NLRC3: variants seen among roughly 807,000 people sequenced by gnomAD.
NLRC3 encodes the protein NLR family CARD domain-containing protein 3.
A neutral mutation model predicts 91.6 loss-of-function variants in NLRC3; 87 were observed. The ratio of observed to expected loss-of-function variants is 0.95; its 90% CI spans 0.80 to 1.14. The LOEUF (loss-of-function observed/expected upper bound fraction) is 1.14. NLRC3 is among the 50% of genes most tolerant of loss of function. The probability of loss-of-function intolerance (pLI) is 0.00; values close to 1 mark genes in which losing one functional copy is unlikely to be tolerated. For missense variants in NLRC3, 1,577 were observed against 1,418.6 expected (o/e 1.11, Z -1.79); for synonymous variants, 694 against 625.3 (o/e 1.11, Z -1.64).
intron 6 of NLRC3, among the ~76,000 whole-genome samples, chr16:3,561,278 C>T (rs1404332617): frequency 1.3e-5 from 2 of 151,902 alleles, no homozygotes; most frequent in African/African-American, 2.4e-5. Flanking sequence ...GCCTGGGAGG[C>T]AGAGATTACA....
chr16:3,556,492 C>A (rs2039340916), intron 8 of NLRC3, among the ~76,000 whole-genome samples: 1 of 151,962 alleles, frequency 6.6e-6, no homozygotes, highest in Non-Finnish European at 1.5e-5. Context: ...GAGCCAGTAT[C>A]CCATGCCTGC....
At chr16:3,552,044 C>T (rs2039041680) in intron 10 of NLRC3, among the ~76,000 whole-genome samples, 152 bp downstream of exon 10, 1 of 150,004 alleles carries the variant, frequency 6.7e-6, no homozygotes, top group Non-Finnish European at 1.5e-5. Context: ...CACCCATCCA[C>T]CTAGTCACCC....
intron 1 of NLRC3, among the ~76,000 whole-genome samples, chr16:3,576,308 C>A (rs2040289676): frequency 6.6e-6 from 1 of 152,230 alleles, no homozygotes; most frequent in East Asian, 1.9e-4. Context: ...CGACCCTTGT[C>A]TCACCCAAGG....
rs1158283154 is a variant in NLRC3 at position 3,564,882 on chromosome 16, G to A, written c.155C>T (p.Ala52Val). The A allele has an allele frequency of 1.2e-6, 2 of 1,607,618 alleles. No homozygotes were observed. The highest frequency in any genetic ancestry group is 1.1e-5 in the South Asian group (1 of 90,914). ...ACCATTGCTGCAGGGCCCCAGCGGG[G>A]CATCCGGTGTCCTATCCAGGGCCTG... The part of the protein sequence containing the change: ...APQALDRTPD[A>V]PLGPCSNDSR... Residue 52 changes from alanine (A) to valine (V), a missense_variant, in exon 4 of 20, where the codon GCC (alanine) becomes GTC (valine). By Grantham distance (64) the Ala-to-Val change is moderately conservative (BLOSUM62 0). Coordinates refer to ENST00000359128, the MANE Select transcript of NLRC3 (RefSeq NM_178844.4). This position sits in a 1 kb window ranked among gnomAD's most constrained non-coding sequence, Gnocchi z 5.9.
chr16:3,548,200 G>C lies in NLRC3; in HGVS notation c.2706C>G (p.Ile902Met). 6.3e-7 allele frequency: 1 copy of C among 1,594,152 alleles called. No individual in the cohort carries two copies. Among genetic ancestry groups the C allele is most frequent in the Non-Finnish European group, 8.5e-7 (1 of 1,170,428 alleles). Reference sequence around the variant, plus strand: ...CCAGGGCCTGGGCAGCGCCGGCCTGGATGAAGTTCCACTGCAGGCTGGGCA... The same window carrying C: ...CCAGGGCCTGGGCAGCGCCGGCCTGCATGAAGTTCCACTGCAGGCTGGGCA... ...LTSLHLQWNF[I>M]QAGAAQALGQ... Residue 902 changes from isoleucine to methionine, a missense_variant, in exon 15 of 20, where the codon ATC becomes ATG. Transcript: ENST00000359128.
intron 6 of NLRC3, among the ~76,000 whole-genome samples, chr16:3,558,662 A>T (rs1351865399): frequency 1.3e-5 from 2 of 151,990 alleles, no homozygotes; most frequent in Non-Finnish European, 1.5e-5. Context: ...GATCAACTCA[A>T]TGTTACTTCA....
rs762020487 is a variant in NLRC3, at chr16:3,564,984, G to A, written c.53C>T (p.Thr18Met). 26 of 1,610,328 alleles carry A rather than the reference G, an allele frequency of 1.6e-5. No homozygotes were observed. Among genetic ancestry groups the A allele is most frequent in the South Asian group, 2.2e-5 (2 of 91,042 alleles). Residue 18 changes from threonine to methionine, a missense_variant, in exon 4 of 20, where the codon ACG becomes ATG. By Grantham distance (81) the Thr-to-Met change is moderately conservative (BLOSUM62 -1). Transcript: ENST00000359128. This position sits in a 1 kb window ranked among gnomAD's most constrained non-coding sequence, Gnocchi z 5.9. ...TGREAGQGHG[T>M]GSPAEQVKAL... ...TTTCACCTGCTCGGCTGGGGAGCCCGTACCGTGGCCCTGGCCGGCCTCCCT... is the reference window on the plus strand; with the variant it reads ...TTTCACCTGCTCGGCTGGGGAGCCCATACCGTGGCCCTGGCCGGCCTCCCT...
chr16:3,539,145 C>G lies in NLRC3; in HGVS notation c.*2680G>C, dbSNP rs1041262697. On this transcript the variant is annotated 3_prime_UTR_variant, in exon 20 of 20. Coordinates refer to ENST00000359128, the MANE Select transcript of NLRC3 (RefSeq NM_178844.4). ...TTTTAGCGTACAAGAAGAAATAGAT[C>G]CCTCTCATTAGCACTTTAATATCAG... is the stretch of plus-strand genomic sequence containing the variant. The G allele has an allele frequency of 2.6e-5, 4 of 152,154 alleles. No homozygotes were observed. The highest frequency in any genetic ancestry group is 9.7e-5 in the African/African-American group (4 of 41,428). 9.4% of individuals were successfully genotyped at this position (152,154 alleles called of 1,614,324 possible).
At chr16:3,551,712 C>T (rs1596453875) in intron 10 of NLRC3, among the ~76,000 whole-genome samples, 1 of 140,224 alleles carries the variant, frequency 7.1e-6, no homozygotes, top group East Asian at 2.1e-4. Context: ...CTCAGTCATT[C>T]ATCTACTCGT....
rs182536352 is a variant in NLRC3 at position 3,569,607 on chromosome 16, A to G, written c.-168-2283T>C. 9.0e-3 allele frequency among the ~76,000 whole-genome samples: 1,368 copies of G among 151,798 alleles called. 30 individuals carry two copies. Among genetic ancestry groups the G allele is most frequent in the African/African-American group, 0.032 (1,305 of 41,392 alleles). Reference sequence around the variant, plus strand: ...GAGATGGGGTTTCACCATGTTGACCAGACTGGTCTTGAACTCCTGACCTCA... The same window carrying G: ...GAGATGGGGTTTCACCATGTTGACCGGACTGGTCTTGAACTCCTGACCTCA... On this transcript the variant is annotated intron_variant, in intron 1 of 19. Coordinates refer to ENST00000359128, the MANE Select transcript of NLRC3 (RefSeq NM_178844.4).
rs115863088 is a variant in NLRC3, at chr16:3,565,804, A to T, written c.-86-424T>A. On this transcript the variant is annotated intron_variant, in intron 2 of 19. Transcript: ENST00000359128. ...ACACCTTTAATCCCAACACTTTGGGAGCCTGAGGTGATGGATCGCTTGAGC... is the reference window on the plus strand; with the variant it reads ...ACACCTTTAATCCCAACACTTTGGGTGCCTGAGGTGATGGATCGCTTGAGC... 8.8e-3 allele frequency among the ~76,000 whole-genome samples: 1,335 copies of T among 152,190 alleles called. 22 individuals are homozygous for T. The highest frequency in any genetic ancestry group is 0.031 in the African/African-American group (1,276 of 41,502).
At chr16:3,554,784 T>C (rs754256456) in intron 8 of NLRC3, among the ~76,000 whole-genome samples, 1 of 152,174 alleles carries the variant, frequency 6.6e-6, no homozygotes, top group Non-Finnish European at 1.5e-5. Context: ...TCAAAAGAAT[T>C]GAAAACAGGC....
At chr16:3,545,519 A>C (rs2038646490) in intron 15 of NLRC3, 1 of 152,114 alleles carries the variant, frequency 6.6e-6, no homozygotes, top group South Asian at 2.1e-4. Context: ...AAATGAAAAA[A>C]AAAATAAGAA....
intron 1 of NLRC3, among the ~76,000 whole-genome samples, chr16:3,576,209 C>G (rs2040285139): frequency 6.6e-6 from 1 of 152,198 alleles, no homozygotes; most frequent in South Asian, 2.1e-4. Flanking sequence ...TGGAGCCTGG[C>G]CATAGGGGAA....
rs748325876 is a variant in NLRC3 at position 3,539,058 on chromosome 16, G to A, written c.*2767C>T. On this transcript the variant is annotated 3_prime_UTR_variant, in exon 20 of 20. Transcript: ENST00000359128. ...TTTTTCAAATACTCAATTTTTATTGGTAGTAGTTATCAAGAACAAAGTCCT... is the reference window on the plus strand; with the variant it reads ...TTTTTCAAATACTCAATTTTTATTGATAGTAGTTATCAAGAACAAAGTCCT... 1 of 152,164 alleles carries A rather than the reference G, an allele frequency of 6.6e-6. No homozygotes were observed. Among genetic ancestry groups the A allele is most frequent in the Admixed American group, 6.5e-5 (1 of 15,282 alleles). 9.4% of individuals were successfully genotyped at this position (152,164 alleles called of 1,614,324 possible).
Position 3,576,091 on chromosome 16 carries a change from C to A in NLRC3, c.-169+1058G>T, listed in dbSNP as rs571090218. ...AGGCCCAGCCCTGGGGAGCCCAGCA[C>A]CCTGGGACAGAAGAAGAGGGGTGCA... On this transcript the variant is annotated intron_variant, in intron 1 of 19. Transcript: ENST00000359128. Among the ~76,000 whole-genome samples the A allele has an allele frequency of 1.7e-3, 254 of 151,136 alleles. 4 individuals carry two copies. Among genetic ancestry groups the A allele is most frequent in the African/African-American group, 5.8e-3 (240 of 41,466 alleles).
At chr16:3,574,103 A>G (rs1596500791) in intron 1 of NLRC3, among the ~76,000 whole-genome samples, 1 of 131,416 alleles carries the variant, frequency 7.6e-6, no homozygotes, top group East Asian at 2.3e-4. Context: ...TCTCACTGCA[A>G]CCTCTGCCTC....
intron 8 of NLRC3, chr16:3,556,058 G>A (rs1336319354): frequency 1.3e-5 from 2 of 150,528 alleles, no homozygotes; most frequent in East Asian, 3.9e-4. Flanking sequence ...GCTGGGCTCG[G>A]TGACTCACAC....
chr16:3,572,879 G>C (rs1233658820), intron 1 of NLRC3, among the ~76,000 whole-genome samples: 2 of 151,936 alleles, frequency 1.3e-5, no homozygotes, highest in South Asian at 4.2e-4. Flanking sequence ...TGGGCATGGT[G>C]GTGGGTGACC....
Sources: gnomAD v4.1 joint callset for allele counts (sites outside exome capture counted in the v4.1 genomes callset) on GRCh38, gnomAD v4.1.1 for gene constraint, Gnocchi (gnomAD v3.1) non-coding constraint, MANE v1.5 for transcripts, NCBI Gene and HGNC (gene_info 2026-07-23, HGNC 2026-07-21) for gene names.